Variants in PCDH15 observed in about 807,000 individuals in gnomAD.
PCDH15 encodes protocadherin-15.
A neutral mutation model predicts 178.5 loss-of-function variants in PCDH15; 129 were observed. That is an observed-to-expected ratio of 0.72 (90% CI 0.63 to 0.84). The LOEUF is 0.84. Ranked by LOEUF, PCDH15 falls within the 40% of genes least tolerant of loss-of-function variation. The pLI is 0.00. For synonymous variants in PCDH15, 800 were observed against 732.0 expected (o/e 1.09, Z -1.50); for missense variants, 2,230 against 2,099.9 (o/e 1.06, Z -1.21).
intron 2 of PCDH15, among the ~76,000 whole-genome samples, chr10:55,434,459 G>T (rs894676547): frequency 6.6e-6 from 1 of 152,082 alleles, no homozygotes; most frequent in South Asian, 2.1e-4. Flanking sequence ...TATTGGTATG[G>T]TTTTTTATTA....
intron 2 of PCDH15, among the ~76,000 whole-genome samples, chr10:55,412,046 T>C (rs909856312): frequency 6.9e-4 from 105 of 152,026 alleles, no homozygotes; most frequent in Non-Finnish European, 6.5e-4. Context: ...GGGCTGGAAA[T>C]GTTTACAAAG....
At chr10:54,805,666 C>G (rs1173509905), upstream of PCDH15, among the ~76,000 whole-genome samples, 1 of 152,108 alleles carries the variant, frequency 6.6e-6, no homozygotes, top group South Asian at 2.1e-4. Context: ...GGATAAGGAA[C>G]AGTATAATCT....
intron 2 of PCDH15, among the ~76,000 whole-genome samples, chr10:55,498,795 C>T (rs1840591393): frequency 6.6e-6 from 1 of 151,750 alleles, no homozygotes; most frequent in Non-Finnish European, 1.5e-5. Context: ...TACATAATGG[C>T]CTCATGAGTT....
At chr10:54,418,730 G>A (rs1460072353) in intron 3 of PCDH15, among the ~76,000 whole-genome samples, 2 of 151,302 alleles carry the variant, frequency 1.3e-5, no homozygotes, top group African/African-American at 4.9e-5. Context: ...ATAATTTGGG[G>A]GTGAGAAGGC....
chr10:54,629,444 C>T lies in PCDH15; in HGVS notation c.91+34728G>A, dbSNP rs557519683. The stretch of plus-strand genomic sequence containing the variant: ...TGGGAAGCAAAGTTGGTTCAACATA[C>T]GCAAATCAATAAATTTGATTCACCT... On this transcript the variant is annotated intron_variant, in intron 2 of 37. Transcript: ENST00000644397. Among the ~76,000 whole-genome samples the T allele has an allele frequency of 2.7e-4, 41 of 152,190 alleles. No homozygotes were observed. The East Asian group carries it at 4.6e-3, about 17-fold the overall frequency.
chr10:54,590,678 G>A (rs1229805140), intron 2 of PCDH15, among the ~76,000 whole-genome samples: 4 of 152,124 alleles, frequency 2.6e-5, no homozygotes, highest in Non-Finnish European at 5.9e-5. Context: ...ATCTGTTAAA[G>A]ACCCTCATCT....
At chr10:54,091,897 G>A (rs948643355) in intron 15 of PCDH15, among the ~76,000 whole-genome samples, 3 of 151,502 alleles carry the variant, frequency 2.0e-5, no homozygotes, top group Admixed American at 2.0e-4. Flanking sequence ...TATAAATACT[G>A]TCTATCTGCT....
chr10:54,870,737 G>A (rs554301033), intron 3 of PCDH15, among the ~76,000 whole-genome samples: 232 of 151,916 alleles, frequency 1.5e-3, no homozygotes, highest in African/African-American at 5.5e-3. Flanking sequence ...AGTGAGCCGA[G>A]ATCGCACCAC....
chr10:55,188,549 G>A (rs1292425165), intron 1 of PCDH15, among the ~76,000 whole-genome samples: 1 of 151,798 alleles, frequency 6.6e-6, no homozygotes, highest in African/African-American at 2.4e-5. Flanking sequence ...CTGGAGTTAA[G>A]AAACTATTTT....
At chr10:54,818,446 T>G (rs1300513582) in intron 3 of PCDH15, among the ~76,000 whole-genome samples, 1 of 152,048 alleles carries the variant, frequency 6.6e-6, no homozygotes, top group Non-Finnish European at 1.5e-5. Context: ...CCTCTTTCCT[T>G]GAATCTATGC....
At chr10:55,212,656 A>T (rs1591993267) in intron 1 of PCDH15, among the ~76,000 whole-genome samples, 1 of 152,176 alleles carries the variant, frequency 6.6e-6, no homozygotes, top group East Asian at 1.9e-4. Context: ...TCTGTGAAAG[A>T]TTAAATTTGA....
chr10:54,558,862 G>T (rs12771078), intron 2 of PCDH15, among the ~76,000 whole-genome samples: 40,286 of 151,632 alleles, frequency 0.27, 5,396 homozygotes, highest in Admixed American at 0.35. Context: ...AAAATTAGTT[G>T]ATATACTATT....
chr10:55,249,961 G>C (rs1246318772), intron 1 of PCDH15, among the ~76,000 whole-genome samples: 1 of 151,394 alleles, frequency 6.6e-6, no homozygotes, highest in Non-Finnish European at 1.5e-5. Context: ...ATGATCTCTA[G>C]AAAAAAAATC....
intron 1 of PCDH15, among the ~76,000 whole-genome samples, chr10:55,308,355 C>G (rs1306809160): frequency 6.6e-6 from 1 of 152,098 alleles, no homozygotes; most frequent in African/African-American, 2.4e-5. Context: ...AAATTCTGAT[C>G]TCTTTAGATG....
chr10:54,979,297 A>G (rs1231208978), intron 2 of PCDH15, among the ~76,000 whole-genome samples: 2 of 152,186 alleles, frequency 1.3e-5, no homozygotes, highest in Non-Finnish European at 2.9e-5. Context: ...TTGACTTCAA[A>G]TTATTTGAAT....
intron 2 of PCDH15, among the ~76,000 whole-genome samples, chr10:55,586,142 T>C (rs1842723585): frequency 6.6e-6 from 1 of 152,078 alleles, no homozygotes; most frequent in South Asian, 2.1e-4. Context: ...AGAAATCTCA[T>C]GACATAGGTA....
intron 2 of PCDH15, among the ~76,000 whole-genome samples, chr10:55,483,673 T>A (rs1272967344): frequency 6.6e-6 from 1 of 151,376 alleles, no homozygotes; most frequent in Admixed American, 6.6e-5. Context: ...TAAAGACACA[T>A]ACTGTGGTGG....
At chr10:54,642,593 T>C (rs920345260) in intron 2 of PCDH15, among the ~76,000 whole-genome samples, 2 of 152,174 alleles carry the variant, frequency 1.3e-5, no homozygotes, top group African/African-American at 4.8e-5. Flanking sequence ...ATCAGCATAT[T>C]ATATGTGCAT....
intron 1 of PCDH15, among the ~76,000 whole-genome samples, chr10:55,168,030 G>T (rs1839239243): frequency 6.6e-6 from 1 of 151,762 alleles, no homozygotes; most frequent in Admixed American, 6.6e-5. Context: ...TAATACTTTG[G>T]GGATTAATGT....
Sources: gnomAD v4.1 joint callset for allele counts (sites outside exome capture counted in the v4.1 genomes callset) on GRCh38, gnomAD v4.1.1 for gene constraint, MANE v1.5 for transcripts, NCBI Gene and HGNC (gene_info 2026-07-23, HGNC 2026-07-21) for gene names.